The following AUTS2 variants were observed in gnomAD, a reference collection of about 807,000 sequenced individuals.
AUTS2 encodes activator of transcription and developmental regulator AUTS2.
In AUTS2, 17 loss-of-function variants were observed where a neutral mutation model predicts 112.4. That is an observed-to-expected ratio of 0.15 (90% CI 0.10 to 0.23). AUTS2 has a LOEUF of 0.23. Ranked by LOEUF, AUTS2 falls within the 10% of genes least tolerant of loss-of-function variation. The pLI, the probability that AUTS2 is intolerant of heterozygous loss-of-function variation, is 1.00. For synonymous variants in AUTS2, 751 were observed against 702.7 expected, an observed-to-expected ratio of 1.07 and a Z score of -1.09; for missense variants, 1,510 against 1,701.6, an observed-to-expected ratio of 0.89 and a Z score of 1.98.
At chr7:69,847,612 G>A (rs1792265323) in intron 1 of AUTS2, among the ~76,000 whole-genome samples, 1 of 152,158 alleles carries the variant, frequency 6.6e-6, no homozygotes, top group Admixed American at 6.5e-5. Flanking sequence ...TGTTCAAAAG[G>A]CCGGTGCCCC....
chr7:70,070,615 C>G (rs919754164), intron 2 of AUTS2, among the ~76,000 whole-genome samples: 3 of 152,088 alleles, frequency 2.0e-5, no homozygotes, highest in Admixed American at 6.5e-5. Context: ...CCTATAATCC[C>G]AGCACTTTGG....
chr7:70,610,410 A>C (rs1804026267), intron 5 of AUTS2, among the ~76,000 whole-genome samples: 2 of 143,890 alleles, frequency 1.4e-5, no homozygotes, highest in African/African-American at 2.6e-5. Flanking sequence ...TCTCACCAAA[A>C]CTTAGCGCTC....
At chr7:69,793,918 C>T (rs1397134077) in intron 1 of AUTS2, among the ~76,000 whole-genome samples, 2 of 152,136 alleles carry the variant, frequency 1.3e-5, no homozygotes, top group Non-Finnish European at 2.9e-5. Flanking sequence ...GAGAGAATAA[C>T]ATAAGCAAAG....
chr7:70,717,905 C>G (rs556333998), intron 6 of AUTS2, among the ~76,000 whole-genome samples: 4 of 152,174 alleles, frequency 2.6e-5, no homozygotes, highest in Non-Finnish European at 5.9e-5. Flanking sequence ...CTGTTACACC[C>G]AGCGCCACCT....
chr7:70,587,375 C>G (rs939638922), intron 5 of AUTS2, among the ~76,000 whole-genome samples: 1 of 152,146 alleles, frequency 6.6e-6, no homozygotes, highest in Non-Finnish European at 1.5e-5. Context: ...CCACACCTGC[C>G]CAGGAAGGGA....
At chr7:70,504,144 G>A (rs1386687028) in intron 5 of AUTS2, among the ~76,000 whole-genome samples, 1 of 151,620 alleles carries the variant, frequency 6.6e-6, no homozygotes, top group Non-Finnish European at 1.5e-5. Context: ...AGGAGCTCGA[G>A]TACATAGATT....
chr7:70,133,569 A>G (rs1004063961), intron 3 of AUTS2, among the ~76,000 whole-genome samples: 7 of 152,142 alleles, frequency 4.6e-5, no homozygotes, highest in African/African-American at 1.7e-4. Flanking sequence ...CTTCTGGGAA[A>G]GTATAATACC....
chr7:69,730,481 C>T (rs1230817726), intron 1 of AUTS2, among the ~76,000 whole-genome samples: 1 of 152,108 alleles, frequency 6.6e-6, no homozygotes, highest in Non-Finnish European at 1.5e-5. Flanking sequence ...TCCTTACCTG[C>T]TGTGCTATGA....
At chr7:70,474,208 A>T (rs1307799527) in intron 5 of AUTS2, among the ~76,000 whole-genome samples, 5 of 152,216 alleles carry the variant, frequency 3.3e-5, no homozygotes. Context: ...CTGTGGGCCA[A>T]AGATTTCTCA....
chr7:70,733,672 C>T (rs1463354728), intron 6 of AUTS2, among the ~76,000 whole-genome samples: 2 of 152,076 alleles, frequency 1.3e-5, no homozygotes, highest in Middle Eastern at 3.4e-3. Flanking sequence ...CTGCAACCTC[C>T]GCCTCCAGGG....
intron 5 of AUTS2, among the ~76,000 whole-genome samples, chr7:70,684,454 C>T (rs1369036420): frequency 1.3e-5 from 2 of 152,122 alleles, no homozygotes; most frequent in African/African-American, 4.8e-5. Context: ...TTGTCTTAGA[C>T]ATCTGGCCAG....
In AUTS2 at chr7:70,733,846, A is replaced by C. The variant is rs188198603; in HGVS notation, c.743-29024A>C. The stretch of plus-strand genomic sequence containing the variant: ...AAGTAATCCTCCTGCTTCGGCCTCC[A>C]AAAGTGCTGGGATTACAGGCGTGAG... On this transcript the variant is annotated intron_variant, in intron 6 of 18. Transcript: ENST00000342771. Among the ~76,000 whole-genome samples, 224 of 152,056 alleles carry C rather than the reference A, an allele frequency of 1.5e-3. 3 individuals are homozygous for C. Among genetic ancestry groups the C allele is most frequent in the Non-Finnish European group, 2.7e-3 (185 of 67,974 alleles).
intron 4 of AUTS2, among the ~76,000 whole-genome samples, chr7:70,341,155 A>G (rs1585036245): frequency 6.6e-6 from 1 of 152,206 alleles, no homozygotes; most frequent in East Asian, 1.9e-4. Flanking sequence ...TCAGCTTCCC[A>G]ATAAATGCTA....
intron 2 of AUTS2, among the ~76,000 whole-genome samples, chr7:69,916,703 C>G (rs1795593338): frequency 6.6e-6 from 1 of 152,156 alleles, no homozygotes; most frequent in Non-Finnish European, 1.5e-5. Context: ...CCCTCTTCCC[C>G]CCATTCTTAC....
rs371169954 is a variant in AUTS2 at position 70,718,425 on chromosome 7, G to A, written c.742+19805G>A. On this transcript the variant is annotated intron_variant, in intron 6 of 18. Transcript: ENST00000342771. ...ATGCCTGTAATCCCAGCACTTTGGAGCCTGGGGCGGGCGGATCACTTGAGG... is the reference window on the plus strand; with the variant it reads ...ATGCCTGTAATCCCAGCACTTTGGAACCTGGGGCGGGCGGATCACTTGAGG... Among the ~76,000 whole-genome samples, 20 of 152,288 alleles carry A rather than the reference G, an allele frequency of 1.3e-4. No homozygotes were observed. In the East Asian group the frequency reaches 3.3e-3, roughly 25 times the overall value.
At chr7:70,463,351 A>T (rs10486881) in intron 5 of AUTS2, among the ~76,000 whole-genome samples, 20,539 of 152,248 alleles carry the variant, frequency 0.13, 1,865 homozygotes, top group Non-Finnish European at 0.18. Flanking sequence ...TAAGACCCAG[A>T]TAAGCATAGT....
chr7:70,329,285 A>G (rs542589712), intron 4 of AUTS2, among the ~76,000 whole-genome samples: 3 of 152,154 alleles, frequency 2.0e-5, no homozygotes, highest in Non-Finnish European at 4.4e-5. Flanking sequence ...GTTCTTCTGC[A>G]TATATACCTA....
intron 4 of AUTS2, among the ~76,000 whole-genome samples, chr7:70,398,373 A>G (rs867766551): frequency 1.3e-5 from 2 of 152,216 alleles, no homozygotes; most frequent in Non-Finnish European, 2.9e-5. Flanking sequence ...CAAACCATGA[A>G]CAAAGTATTT....
intron 2 of AUTS2, among the ~76,000 whole-genome samples, chr7:70,090,984 G>A (rs1053849298): frequency 7.2e-5 from 11 of 152,064 alleles, no homozygotes; most frequent in African/African-American, 2.4e-4. Flanking sequence ...CTGGCCTAAC[G>A]TTTCTTGAAG....
Sources: gnomAD v4.1 joint callset for allele counts (sites outside exome capture counted in the v4.1 genomes callset) on GRCh38, gnomAD v4.1.1 for gene constraint, MANE v1.5 for transcripts, NCBI Gene and HGNC (gene_info 2026-07-23, HGNC 2026-07-21) for gene names.